JMJD1C: variants seen among roughly 807,000 people sequenced by gnomAD.
JMJD1C encodes the protein jumonji domain containing 1C, also known as jumonji domain-containing protein 1C.
Under a neutral mutation model 245.3 loss-of-function variants are expected in JMJD1C, and 31 were observed. That is an observed-to-expected ratio of 0.13 (90% CI 0.09 to 0.17). The LOEUF (loss-of-function observed/expected upper bound fraction) is 0.17. Among genes scored for constraint, JMJD1C ranks in the 10% least tolerant of loss-of-function variants. The pLI is 1.00. For missense variants in JMJD1C, 2,691 were observed against 3,000.2 expected, an observed-to-expected ratio of 0.90 and a Z score of 2.41; for synonymous variants, 1,057 against 1,017.4, an observed-to-expected ratio of 1.04 and a Z score of -0.74.
intron 2 of JMJD1C, among the ~76,000 whole-genome samples, chr10:63,338,791 G>A (rs1943105439): frequency 6.6e-6 from 1 of 151,702 alleles, no homozygotes; most frequent in African/African-American, 2.4e-5. Context: ...TGGGATTACA[G>A]GCATGTGCCA....
intron 10 of JMJD1C, chr10:63,202,452 G>A (rs1287487579): frequency 4.7e-5 from 46 of 985,254 alleles, no homozygotes; most frequent in Non-Finnish European, 5.5e-5. Flanking sequence ...CCAATGTGTG[G>A]ATCAGAGGTA....
intron 2 of JMJD1C, among the ~76,000 whole-genome samples, chr10:63,310,894 C>A (rs1939092349): frequency 6.6e-6 from 1 of 151,936 alleles, no homozygotes; most frequent in South Asian, 2.1e-4. Flanking sequence ...GACAAATAAA[C>A]CCGACATTAA....
At chr10:63,294,826 A>C (rs1013982451) in intron 2 of JMJD1C, among the ~76,000 whole-genome samples, 1 of 152,196 alleles carries the variant, frequency 6.6e-6, no homozygotes, top group Non-Finnish European at 1.5e-5. Flanking sequence ...ATAGTATCTA[A>C]AAACAAAGGC....
At chr10:63,447,058 A>G (rs1951759577) in intron 1 of JMJD1C, among the ~76,000 whole-genome samples, 1 of 127,134 alleles carries the variant, frequency 7.9e-6, no homozygotes, top group Middle Eastern at 3.8e-3. Context: ...AAATATCTGT[A>G]AGCATTTTAT....
chr10:63,188,125 A>G (rs996660429), intron 18 of JMJD1C, among the ~76,000 whole-genome samples: 2 of 152,206 alleles, frequency 1.3e-5, no homozygotes, highest in Non-Finnish European at 2.9e-5. Flanking sequence ...CCTAGCTTTG[A>G]CATTTCCTTT....
chr10:63,424,570 G>A (rs1027726873), intron 1 of JMJD1C, among the ~76,000 whole-genome samples: 5 of 90,064 alleles, frequency 5.6e-5, no homozygotes, highest in Admixed American at 3.3e-4. Context: ...ACAATGATGC[G>A]ACTGTGGCTC....
At chr10:63,172,309 T>C (rs1471797096) in intron 24 of JMJD1C, among the ~76,000 whole-genome samples, 1 of 152,196 alleles carries the variant, frequency 6.6e-6, no homozygotes, top group African/African-American at 2.4e-5. Context: ...CTAAGTAAAC[T>C]TTTGGAAGTA....
chr10:63,332,300 A>G (rs1024050892), intron 2 of JMJD1C, among the ~76,000 whole-genome samples: 7 of 152,220 alleles, frequency 4.6e-5, no homozygotes, highest in South Asian at 2.1e-4. Flanking sequence ...TTTGATGTCA[A>G]TTCATGATTT....
intron 10 of JMJD1C, chr10:63,202,537 G>A: frequency 1.0e-6 from 1 of 985,336 alleles, no homozygotes; most frequent in Non-Finnish European, 1.2e-6. Context: ...CATATAGAGT[G>A]ACCCATTTGA....
At chr10:63,305,459 C>CA (rs1937978126) in intron 2 of JMJD1C, among the ~76,000 whole-genome samples, 1 of 113,022 alleles carries the variant, frequency 8.8e-6, no homozygotes, top group African/African-American at 3.4e-5. Flanking sequence ...ACGCTCTGAC[C>CA]CTCTCTCTCT....
intron 2 of JMJD1C, among the ~76,000 whole-genome samples, chr10:63,268,482 T>C (rs1350219668): frequency 6.6e-6 from 1 of 152,200 alleles, no homozygotes; most frequent in Non-Finnish European, 1.5e-5. Context: ...TTTACAGTTA[T>C]TAAATTACTA....
intron 3 of JMJD1C, among the ~76,000 whole-genome samples, chr10:63,225,266 G>C (rs933160646): frequency 2.6e-5 from 4 of 152,002 alleles, no homozygotes; most frequent in African/African-American, 2.4e-5. Flanking sequence ...TCCTATTTGA[G>C]CTACTAGTTA....
intron 3 of JMJD1C, among the ~76,000 whole-genome samples, chr10:63,245,867 T>A (rs1852141365): frequency 6.6e-6 from 1 of 152,160 alleles, no homozygotes; most frequent in Admixed American, 6.5e-5. Context: ...TTCAATCACC[T>A]CCCACTGGGA....
intron 2 of JMJD1C, among the ~76,000 whole-genome samples, chr10:63,376,755 A>G (rs1946775095): frequency 6.6e-6 from 1 of 152,224 alleles, no homozygotes; most frequent in South Asian, 2.1e-4. Flanking sequence ...GAGAAAGTAA[A>G]TACCAAAAAA....
At chr10:63,357,910 CA>C (rs2134338090) in intron 2 of JMJD1C, among the ~76,000 whole-genome samples, 2 of 144,176 alleles carry the variant, frequency 1.4e-5, no homozygotes, top group African/African-American at 5.2e-5. Context: ...TTTTAGTACC[CA>C]AAACAGACTT....
At position 63,465,751 on chromosome 10, in the gene JMJD1C, G is replaced by C. The variant is rs779291038; in HGVS notation, c.-89C>G. On this transcript the variant is annotated 5_prime_UTR_variant, in exon 1 of 26. Transcript: ENST00000399262. ...CTACCGGCCGCTCATGCTGAGGAGAGCGGACCGGGACACAGCAGCGGACCC... is the reference window on the plus strand; with the variant it reads ...CTACCGGCCGCTCATGCTGAGGAGACCGGACCGGGACACAGCAGCGGACCC... The C allele has an allele frequency of 6.8e-7, 1 of 1,475,518 alleles. No individual in the cohort carries two copies. Among genetic ancestry groups the C allele is most frequent in the East Asian group, 2.3e-5 (1 of 43,596 alleles). The allele number at this position is 1,475,518 out of a possible 1,614,324, so 91.4% of individuals were successfully genotyped here. A position where few individuals can be genotyped will look rare whatever the true frequency, so the allele number is the denominator to read the frequency against.
At chr10:63,201,599 A>G (rs1048663750) in intron 10 of JMJD1C, among the ~76,000 whole-genome samples, 1 of 152,186 alleles carries the variant, frequency 6.6e-6, no homozygotes, top group Non-Finnish European at 1.5e-5. Flanking sequence ...CCAAAAATTA[A>G]ATGTTGTCTA....
chr10:63,368,763 T>C (rs1946062079), intron 2 of JMJD1C, among the ~76,000 whole-genome samples: 1 of 152,070 alleles, frequency 6.6e-6, no homozygotes, highest in Non-Finnish European at 1.5e-5. Flanking sequence ...CTCAGCTCAC[T>C]GCAACCTCCA....
intron 16 of JMJD1C, among the ~76,000 whole-genome samples, 160 bp from the exon 17 acceptor site, chr10:63,191,268 A>T (rs1252746187): frequency 6.6e-6 from 1 of 152,106 alleles, no homozygotes; most frequent in Non-Finnish European, 1.5e-5. Flanking sequence ...AGTAGCTGGG[A>T]CTACAGGCAT....
Sources: allele counts gnomAD v4.1 joint callset (sites outside exome capture counted in the v4.1 genomes callset), GRCh38; gene constraint gnomAD v4.1.1; transcripts MANE v1.5; gene names NCBI Gene and HGNC (gene_info 2026-07-23, HGNC 2026-07-21).